MROH7: variants seen among roughly 807,000 people sequenced by gnomAD.
The protein encoded by MROH7 is maestro heat like repeat family member 7, also known as maestro heat-like repeat-containing protein family member 7.
Under a neutral mutation model 129.2 loss-of-function variants are expected in MROH7, and 113 were observed. The observed-to-expected ratio is 0.87, with a 90% CI of 0.75 to 1.02. MROH7 has a LOEUF of 1.02. MROH7 is among the 50% of genes least tolerant of loss of function. MROH7 has a pLI of 0.00. For synonymous variants in MROH7, 655 were observed against 667.9 expected (o/e 0.98, Z 0.30); for missense variants, 1,601 against 1,671.3 (o/e 0.96, Z 0.73).
At chr1:54,648,795 A>G (rs1458260979) in intron 1 of MROH7, among the ~76,000 whole-genome samples, 1 of 152,134 alleles carries the variant, frequency 6.6e-6, no homozygotes, top group African/African-American at 2.4e-5. Context: ...TGGGAACTGG[A>G]GTAGGGTCTG....
At position 54,704,183 on chromosome 1, in the gene MROH7, A is replaced by G. The variant is rs149304677; in HGVS notation, c.3564+1438A>G. On this transcript the variant is annotated intron_variant, in intron 21 of 23. Coordinates refer to ENST00000421030, the MANE Select transcript of MROH7 (RefSeq NM_001039464.4). Reference sequence around the variant, plus strand: ...CAAAGCCTCTGCAATTGAGGGTCTCATGATATTACCATCACATTCCAGTGG... The same window carrying G: ...CAAAGCCTCTGCAATTGAGGGTCTCGTGATATTACCATCACATTCCAGTGG... Among the ~76,000 whole-genome samples the G allele has an allele frequency of 1.8e-4, 27 of 152,340 alleles. No homozygotes were observed. In the East Asian group the frequency reaches 5.2e-3, roughly 29 times the overall value.
chr1:54,678,178 A>G lies in MROH7; in HGVS notation c.1937-564A>G, dbSNP rs1484029172. On this transcript the variant is annotated intron_variant, in intron 10 of 23. Transcript: ENST00000421030. ...CTGTAGCCGAACCTATGCTTAGACT[A>G]TGACCCAGCAATCCATTCCTAGGTA... Among the ~76,000 whole-genome samples, 5 of 152,204 alleles carry G rather than the reference A, an allele frequency of 3.3e-5. No homozygotes were observed. In the East Asian group the frequency reaches 7.7e-4, roughly 23 times the overall value.
chr1:54,648,848 T>C (rs953959462), intron 1 of MROH7, among the ~76,000 whole-genome samples: 29 of 152,198 alleles, frequency 1.9e-4, no homozygotes, highest in Non-Finnish European at 3.8e-4. Flanking sequence ...AGAGCTGTTC[T>C]GGAGCCAGAA....
intron 5 of MROH7, among the ~76,000 whole-genome samples, chr1:54,669,636 C>T (rs749762341): frequency 9.2e-5 from 14 of 152,198 alleles, no homozygotes; most frequent in Admixed American, 2.0e-4. Context: ...GGGATCCTCC[C>T]GCCTTAGCCT....
intron 15 of MROH7, among the ~76,000 whole-genome samples, chr1:54,690,293 T>A (rs936238941): frequency 8.1e-6 from 1 of 123,248 alleles, no homozygotes; most frequent in African/African-American, 3.0e-5. Context: ...AGGCCTGGGA[T>A]CACCTTGGGG....
chr1:54,709,281 A>G (rs940349810), intron 23 of MROH7, among the ~76,000 whole-genome samples: 5 of 152,158 alleles, frequency 3.3e-5, no homozygotes, highest in Admixed American at 6.6e-5. Flanking sequence ...GTGCAGTGGC[A>G]CAATCTCGGC....
chr1:54,658,786 G>C (rs1314919966), intron 3 of MROH7, among the ~76,000 whole-genome samples: 2 of 152,108 alleles, frequency 1.3e-5, no homozygotes, highest in Admixed American at 6.5e-5. Flanking sequence ...GTGTGTGTGT[G>C]TCTATGTTGG....
intron 3 of MROH7, among the ~76,000 whole-genome samples, chr1:54,660,778 G>A (rs1644719758): frequency 6.6e-6 from 1 of 151,850 alleles, no homozygotes; most frequent in Admixed American, 6.6e-5. Flanking sequence ...TTGCACCATT[G>A]CACTCCAGCC....
intron 14 of MROH7, 28 bp downstream of exon 14, chr1:54,682,822 T>C: frequency 3.7e-6 from 6 of 1,603,176 alleles, no homozygotes; most frequent in African/African-American, 1.3e-5. Flanking sequence ...CAGCCCCTAT[T>C]GCTGCCTGTC....
intron 5 of MROH7, 22 bp downstream of exon 5, chr1:54,668,959 C>A: frequency 2.2e-6 from 3 of 1,369,582 alleles, no homozygotes; most frequent in Non-Finnish European, 3.1e-6. Context: ...ACAGGCGGGT[C>A]TGTGGCATTG....
Position 54,653,139 on chromosome 1 carries a change from G to A in MROH7, c.213G>A (p.Glu71=), listed in dbSNP as rs763704539. The A allele has an allele frequency of 1.2e-6, 2 of 1,614,190 alleles. No homozygotes were observed. Among genetic ancestry groups the A allele is most frequent in the African/African-American group, 1.3e-5 (1 of 75,046 alleles). ...LNDSLSPVSG[E]ASGLVSENTP... ...ATTCTTTGAGTCCAGTCTCAGGGGAGGCCTCAGGCCTGGTGTCTGAAAACA... is the reference window on the plus strand; with the variant it reads ...ATTCTTTGAGTCCAGTCTCAGGGGAAGCCTCAGGCCTGGTGTCTGAAAACA... The change falls in exon 3 of 24, where the codon GAG becomes GAA. Residue 71 remains glutamate (E), a synonymous_variant. Transcript: ENST00000421030.
At chr1:54,688,387 T>A (rs1448243620) in intron 15 of MROH7, among the ~76,000 whole-genome samples, 3 of 152,074 alleles carry the variant, frequency 2.0e-5, no homozygotes, top group African/African-American at 7.2e-5. Context: ...ATGTTTTTTA[T>A]GTAGCCAAGT....
chr1:54,702,270 C>A, intron 20 of MROH7, 25 bp downstream of exon 20: 1 of 1,409,762 alleles, frequency 7.1e-7, no homozygotes, highest in South Asian at 1.6e-5. Flanking sequence ...GCCCTGCACC[C>A]TCTACCCCTC....
At position 54,679,905 on chromosome 1, in the gene MROH7, G is replaced by A. The variant is rs1569933502; in HGVS notation, c.2241G>A (p.Met747Ile). 6.2e-7 allele frequency: 1 copy of A among 1,610,312 alleles called. No individual in the cohort carries two copies. The highest frequency in any genetic ancestry group is 1.1e-5 in the South Asian group (1 of 91,016). Residue 747 changes from methionine to isoleucine, a missense_variant, in exon 13 of 24, where the codon ATG (methionine) becomes ATA (isoleucine). Physicochemically the swap from Met to Ile is conservative, Grantham distance 10. Transcript: ENST00000421030. ...CTGTGCCCCAGATCCCAGAAATCATGCAAGGCATCTACATGCAGCTGAGCC... is the reference window on the plus strand; with the variant it reads ...CTGTGCCCCAGATCCCAGAAATCATACAAGGCATCTACATGCAGCTGAGCC... ...HRALEVIPEI[M>I]QGIYMQLSHI...
intron 16 of MROH7, among the ~76,000 whole-genome samples, chr1:54,694,243 C>T (rs1022071037): frequency 5.3e-5 from 8 of 152,254 alleles, no homozygotes; most frequent in African/African-American, 1.9e-4. Flanking sequence ...AGAAGTTAAG[C>T]ATCTTTCCCC....
chr1:54,683,448 C>T (rs1280948223), intron 14 of MROH7, among the ~76,000 whole-genome samples: 2 of 152,192 alleles, frequency 1.3e-5, no homozygotes, highest in African/African-American at 4.8e-5. Context: ...GTCTCTATCA[C>T]CACCCTGGTC....
intron 16 of MROH7, 77 bp downstream of exon 16, chr1:54,692,638 T>A: frequency 6.9e-7 from 1 of 1,454,804 alleles, no homozygotes. Flanking sequence ...ACGGACTTGG[T>A]CTGCATCTCT....
intron 23 of MROH7, among the ~76,000 whole-genome samples, chr1:54,709,621 T>C (rs1645591817): frequency 6.6e-6 from 1 of 151,886 alleles, no homozygotes. Context: ...ACAATCTCAT[T>C]AAGGAAATGA....
At chr1:54,673,669 T>C (rs369097951) in intron 8 of MROH7, 32 bp from the exon 9 acceptor site, 7 of 1,540,816 alleles carry the variant, frequency 4.5e-6, no homozygotes, top group Non-Finnish European at 6.3e-6. Context: ...TCATCTAACC[T>C]GTAGTTCTGA....
Sources: allele counts gnomAD v4.1 joint callset (sites outside exome capture counted in the v4.1 genomes callset), GRCh38; gene constraint gnomAD v4.1.1; transcripts MANE v1.5; gene names NCBI Gene and HGNC (gene_info 2026-07-23, HGNC 2026-07-21).